L3MBTL4: variants seen among roughly 807,000 people sequenced by gnomAD.
L3MBTL4 encodes the protein lethal(3)malignant brain tumor-like protein 4.
In L3MBTL4, 70 loss-of-function variants were observed where a neutral mutation model predicts 84.5. The ratio of observed to expected loss-of-function variants is 0.83; its 90% CI spans 0.68 to 1.01. The LOEUF is 1.01. Among genes scored for constraint, L3MBTL4 ranks in the 50% least tolerant of loss-of-function variants. L3MBTL4 has a pLI of 0.00. For synonymous variants in L3MBTL4, 274 were observed against 259.8 expected (o/e 1.05, Z -0.52); for missense variants, 715 against 754.8 (o/e 0.95, Z 0.62).
intron 10 of L3MBTL4, among the ~76,000 whole-genome samples, chr18:6,232,127 C>A (rs577479861): frequency 6.6e-6 from 1 of 152,178 alleles, no homozygotes; most frequent in South Asian, 2.1e-4. Context: ...TGCTTTTCTG[C>A]CTTAATTGCA....
chr18:6,126,334 A>G (rs2059694023), intron 14 of L3MBTL4, among the ~76,000 whole-genome samples: 1 of 152,130 alleles, frequency 6.6e-6, no homozygotes. Context: ...AAGAGAATGA[A>G]TTTTCTTTGT....
rs1224234460 is a variant in L3MBTL4, at chr18:6,377,758, T to C, written c.-91+37043A>G. Among the ~76,000 whole-genome samples, 3 of 152,352 alleles carry C rather than the reference T, an allele frequency of 2.0e-5. No individual in the cohort carries two copies. In the East Asian group the frequency reaches 5.8e-4, roughly 29 times the overall value. On this transcript the variant is annotated intron_variant, in intron 1 of 18. Transcript: ENST00000317931. ...TTGGGTTGGTTCCAAGTCTTTGCTATTGTGAATAGCGCCACAATAAACATA... is the reference window on the plus strand; with the variant it reads ...TTGGGTTGGTTCCAAGTCTTTGCTACTGTGAATAGCGCCACAATAAACATA...
chr18:6,086,619 T>C (rs888737183), intron 15 of L3MBTL4, among the ~76,000 whole-genome samples: 1 of 152,146 alleles, frequency 6.6e-6, no homozygotes, highest in Non-Finnish European at 1.5e-5. Flanking sequence ...GCACAACTCA[T>C]TTCGTTTTCC....
intron 4 of L3MBTL4, among the ~76,000 whole-genome samples, chr18:6,269,097 CACCA>C: frequency 6.6e-6 from 1 of 152,154 alleles, no homozygotes; most frequent in Non-Finnish European, 1.5e-5. Flanking sequence ...AGTTTAAAAG[CACCA>C]TAAAATTAAG....
chr18:5,983,355 A>G (rs1450947374), intron 16 of L3MBTL4, among the ~76,000 whole-genome samples: 2 of 152,224 alleles, frequency 1.3e-5, no homozygotes, highest in Non-Finnish European at 2.9e-5. Context: ...ATGCTTAAAG[A>G]CTACCCAGTC....
chr18:6,262,307 C>A (rs1317849101), intron 5 of L3MBTL4, among the ~76,000 whole-genome samples: 1 of 152,186 alleles, frequency 6.6e-6, no homozygotes, highest in Non-Finnish European at 1.5e-5. Flanking sequence ...CTTCAAAGAT[C>A]TTTACACTCA....
chr18:6,091,543 C>A (rs1019237872), intron 15 of L3MBTL4, among the ~76,000 whole-genome samples: 2 of 152,196 alleles, frequency 1.3e-5, no homozygotes, highest in Non-Finnish European at 2.9e-5. Flanking sequence ...ACATTCTCGA[C>A]TCCTTCTATC....
At chr18:6,185,912 C>A (rs74941375) in intron 12 of L3MBTL4, among the ~76,000 whole-genome samples, 4,314 of 151,924 alleles carry the variant, frequency 0.028, 224 homozygotes, top group African/African-American at 0.099. Context: ...GCTGACTCAG[C>A]CAGAAGACTG....
intron 13 of L3MBTL4, among the ~76,000 whole-genome samples, chr18:6,158,887 T>G (rs753692981): frequency 4.6e-5 from 7 of 152,100 alleles, no homozygotes; most frequent in Non-Finnish European, 7.4e-5. Flanking sequence ...TGTCAAGATA[T>G]AAAAGCCACA....
intron 16 of L3MBTL4, among the ~76,000 whole-genome samples, chr18:6,068,332 T>C (rs1351248848): frequency 6.6e-6 from 1 of 152,116 alleles, no homozygotes; most frequent in East Asian, 1.9e-4. Context: ...GCTAAAGAGA[T>C]GCATAGATAT....
chr18:6,133,132 G>C (rs1041076461), intron 14 of L3MBTL4, among the ~76,000 whole-genome samples: 2 of 152,174 alleles, frequency 1.3e-5, no homozygotes, highest in Non-Finnish European at 2.9e-5. Flanking sequence ...ATACTACAAT[G>C]AGAGGGCACA....
At chr18:6,218,180 A>C (rs1051487769) in intron 10 of L3MBTL4, among the ~76,000 whole-genome samples, 4 of 152,150 alleles carry the variant, frequency 2.6e-5, no homozygotes, top group African/African-American at 9.7e-5. Flanking sequence ...CTTCTGACAC[A>C]GTCATAGAGG....
chr18:6,333,722 C>A lies in L3MBTL4; in HGVS notation c.-90-21666G>T, dbSNP rs571726772. ...AAGAGAACAACCACAAACAAATCAG[C>A]AAATCAATGGAAACAAGACATCTTT... On this transcript the variant is annotated intron_variant, in intron 1 of 18. Coordinates refer to ENST00000317931, the MANE Select transcript of L3MBTL4 (RefSeq NM_001330559.2). Among the ~76,000 whole-genome samples, 267 of 152,288 alleles carry A rather than the reference C, an allele frequency of 1.8e-3. 4 individuals are homozygous for A. Among genetic ancestry groups the A allele is most frequent in the Middle Eastern group, 0.017 (5 of 294 alleles).
At chr18:6,254,905 C>T (rs370246417) in intron 5 of L3MBTL4, among the ~76,000 whole-genome samples, 2 of 152,318 alleles carry the variant, frequency 1.3e-5, no homozygotes, top group East Asian at 3.9e-4. Flanking sequence ...TAAAACACTA[C>T]TAGGTCTAGG....
intron 14 of L3MBTL4, among the ~76,000 whole-genome samples, chr18:6,117,168 G>A (rs553623440): frequency 1.3e-5 from 2 of 152,226 alleles, no homozygotes; most frequent in Admixed American, 1.3e-4. Flanking sequence ...TAGAATGGAA[G>A]AGACTGAGGG....
rs1448413362 is a variant in L3MBTL4 at position 6,265,200 on chromosome 18, CTT to C, written c.128-1164_128-1163del. On this transcript the variant is annotated intron_variant, in intron 4 of 18. Coordinates refer to ENST00000317931, the MANE Select transcript of L3MBTL4 (RefSeq NM_001330559.2). ...ATCAAAAACATTCAAATGAAATCAT[CTT>C]AAGTGCCAGAATTATAAATAATTCC... 5.3e-5 allele frequency among the ~76,000 whole-genome samples: 8 copies of C among 152,296 alleles called. No individual in the cohort carries two copies. The East Asian group carries it at 1.5e-3, about 29-fold the overall frequency.
chr18:5,956,528 T>C, intron 18 of L3MBTL4, 141 bp from the exon 19 acceptor site: 1 of 686,164 alleles, frequency 1.5e-6, no homozygotes, highest in Non-Finnish European at 2.5e-6. Context: ...AGAATGACGG[T>C]AGCTCTCACT....
intron 3 of L3MBTL4, among the ~76,000 whole-genome samples, chr18:6,304,404 C>T (rs759051935): frequency 2.0e-5 from 3 of 152,226 alleles, no homozygotes; most frequent in Non-Finnish European, 4.4e-5. Context: ...GTGCAATTAA[C>T]AAAGTAGCAT....
intron 17 of L3MBTL4, among the ~76,000 whole-genome samples, chr18:5,962,289 C>G (rs2095267407): frequency 6.6e-6 from 1 of 152,136 alleles, no homozygotes; most frequent in South Asian, 2.1e-4. Context: ...CTGTTGGATT[C>G]ATAGTATTTC....
Sources: gnomAD v4.1 joint callset for allele counts (sites outside exome capture counted in the v4.1 genomes callset) on GRCh38, gnomAD v4.1.1 for gene constraint, MANE v1.5 for transcripts, NCBI Gene and HGNC (gene_info 2026-07-23, HGNC 2026-07-21) for gene names.